ANGPT1: variants seen among roughly 807,000 people sequenced by gnomAD.
ANGPT1 encodes angiopoietin-1.
A neutral mutation model predicts 62.2 loss-of-function variants in ANGPT1; 17 were observed. The observed-to-expected ratio is 0.27, with a 90% CI of 0.19 to 0.41. The LOEUF is 0.41. Among genes scored for constraint, ANGPT1 ranks in the 10% least tolerant of loss-of-function variants. The pLI is 1.00. For missense variants in ANGPT1, 478 were observed against 594.9 expected (o/e 0.80, Z 2.04); for synonymous variants, 199 against 198.9 (o/e 1.00, Z 0.00).
At chr8:107,431,653 G>C (rs1248099683) in intron 1 of ANGPT1, among the ~76,000 whole-genome samples, 1 of 151,862 alleles carries the variant, frequency 6.6e-6, no homozygotes, top group Non-Finnish European at 1.5e-5. Flanking sequence ...TTGAATTCCA[G>C]TTCTCCCAAC....
intron 6 of ANGPT1, among the ~76,000 whole-genome samples, chr8:107,291,729 C>G (rs1814280809): frequency 6.6e-6 from 1 of 152,014 alleles, no homozygotes; most frequent in Non-Finnish European, 1.5e-5. Context: ...TTAATATAAA[C>G]ATAATTCAAA....
intron 8 of ANGPT1, among the ~76,000 whole-genome samples, chr8:107,259,215 T>C (rs1333175475): frequency 6.6e-6 from 1 of 152,214 alleles, no homozygotes; most frequent in Non-Finnish European, 1.5e-5. Context: ...TATCTGATCA[T>C]GCTTAGCAGG....
At chr8:107,256,061 C>T (rs1226085246) in intron 8 of ANGPT1, among the ~76,000 whole-genome samples, 1 of 152,108 alleles carries the variant, frequency 6.6e-6, no homozygotes, top group Non-Finnish European at 1.5e-5. Context: ...ATTTTGATTT[C>T]ATGACAAATC....
chr8:107,457,401 C>A (rs984030944), intron 1 of ANGPT1, among the ~76,000 whole-genome samples: 12 of 151,864 alleles, frequency 7.9e-5, no homozygotes, highest in African/African-American at 2.9e-4. Context: ...ACCAACTAAC[C>A]AAGCTGTCAT....
rs912886013 is a variant in ANGPT1 at position 107,350,668 on chromosome 8, G to T, written c.298-3571C>A. On this transcript the variant is annotated intron_variant, in intron 1 of 8. Transcript: ENST00000517746. ...CTACACTAAAATGCTCATTTAGGCTGCTATGATGAGTAGCATGAATATAGC... is the reference window on the plus strand; with the variant it reads ...CTACACTAAAATGCTCATTTAGGCTTCTATGATGAGTAGCATGAATATAGC... Among the ~76,000 whole-genome samples, 7 of 152,272 alleles carry T rather than the reference G, an allele frequency of 4.6e-5. No individual in the cohort carries two copies. In the East Asian group the frequency reaches 1.3e-3, roughly 29 times the overall value.
At chr8:107,458,075 G>A (rs1380927835) in intron 1 of ANGPT1, among the ~76,000 whole-genome samples, 1 of 152,102 alleles carries the variant, frequency 6.6e-6, no homozygotes, top group Non-Finnish European at 1.5e-5. Flanking sequence ...TGATGGCCAA[G>A]TTGGGATTAC....
intron 1 of ANGPT1, 49 bp downstream of exon 1, chr8:107,497,213 A>C (rs775212001): frequency 1.3e-6 from 2 of 1,583,022 alleles, no homozygotes; most frequent in East Asian, 2.2e-5. Flanking sequence ...GCTGCAGTGC[A>C]AGAAAGGAAA....
chr8:107,284,655 C>T (rs753322766), intron 7 of ANGPT1, 27 bp downstream of exon 7: 13 of 1,431,894 alleles, frequency 9.1e-6, no homozygotes, highest in Non-Finnish European at 1.2e-5. Context: ...AAAAGGTAGT[C>T]GAACACTACA....
At chr8:107,394,533 A>C (rs1816897275) in intron 1 of ANGPT1, among the ~76,000 whole-genome samples, 1 of 152,126 alleles carries the variant, frequency 6.6e-6, no homozygotes, top group African/African-American at 2.4e-5. Context: ...CAGAATAAGG[A>C]GCTGGGGGGA....
intron 1 of ANGPT1, among the ~76,000 whole-genome samples, chr8:107,471,031 CA>C (rs1326381285): frequency 6.6e-6 from 1 of 152,058 alleles, no homozygotes; most frequent in Admixed American, 6.6e-5. Context: ...TTTGACCCAG[CA>C]ATTCTATTAC....
At chr8:107,452,100 A>C (rs1351904222) in intron 1 of ANGPT1, among the ~76,000 whole-genome samples, 2 of 151,752 alleles carry the variant, frequency 1.3e-5, no homozygotes, top group Non-Finnish European at 2.9e-5. Context: ...ATAAGACAGG[A>C]TATTAACACT....
chr8:107,387,739 A>G (rs1315400), intron 1 of ANGPT1, among the ~76,000 whole-genome samples: 72,257 of 151,686 alleles, frequency 0.48, 19,059 homozygotes, highest in Middle Eastern at 0.59. Flanking sequence ...CTGGCTGTGC[A>G]TGCTATTTAA....
Position 107,284,703 on chromosome 8 carries a change from C to T in ANGPT1, c.1184G>A (p.Gly395Glu), listed in dbSNP as rs757109289. The T allele has an allele frequency of 1.3e-6, 2 of 1,574,510 alleles. No homozygotes were observed. The highest frequency in any genetic ancestry group is 1.2e-5 in the South Asian group (1 of 83,412). Residue 395 changes from glycine to glutamate, a missense_variant, in exon 7 of 9, where the codon GGA (glycine) becomes GAA (glutamate). Transcript: ENST00000517746. ...AYSQYDRFHI[G>E]NEKQNYRLYL... ...TTACCTATAGTTTTGCTTTTCATTT[C>T]CTATGTGGAATCTGTCATACTGTGA...
At chr8:107,369,550 G>T (rs1816339300) in intron 1 of ANGPT1, among the ~76,000 whole-genome samples, 1 of 152,104 alleles carries the variant, frequency 6.6e-6, no homozygotes, top group Non-Finnish European at 1.5e-5. Flanking sequence ...GCCTGTCTTG[G>T]TTTCTGACAT....
At chr8:107,434,150 A>C (rs1455219010) in intron 1 of ANGPT1, among the ~76,000 whole-genome samples, 2 of 152,208 alleles carry the variant, frequency 1.3e-5, no homozygotes, top group Non-Finnish European at 2.9e-5. Flanking sequence ...ATAAGATTTT[A>C]ATATCTAAGT....
intron 1 of ANGPT1, among the ~76,000 whole-genome samples, chr8:107,450,807 T>C (rs146712922): frequency 1.2e-4 from 18 of 151,558 alleles, no homozygotes; most frequent in South Asian, 8.3e-4. Context: ...ATAATACTAG[T>C]AATAGTAGAA....
At chr8:107,376,144 A>G (rs1816526821) in intron 1 of ANGPT1, among the ~76,000 whole-genome samples, 1 of 152,210 alleles carries the variant, frequency 6.6e-6, no homozygotes, top group Admixed American at 6.5e-5. Context: ...CTTAAGAAGT[A>G]GAGCACAGCA....
At chr8:107,381,605 C>G (rs1816638520) in intron 1 of ANGPT1, among the ~76,000 whole-genome samples, 1 of 152,152 alleles carries the variant, frequency 6.6e-6, no homozygotes, top group Non-Finnish European at 1.5e-5. Flanking sequence ...TCCATTCACT[C>G]TGTTGCTTGT....
At chr8:107,253,730 C>T (rs538502605) in intron 8 of ANGPT1, among the ~76,000 whole-genome samples, 2 of 152,038 alleles carry the variant, frequency 1.3e-5, no homozygotes, top group African/African-American at 4.8e-5. Context: ...GAAAGACAGA[C>T]GTCTGTTGCA....
Sources: allele counts gnomAD v4.1 joint callset (sites outside exome capture counted in the v4.1 genomes callset), GRCh38; gene constraint gnomAD v4.1.1; transcripts MANE v1.5; gene names NCBI Gene and HGNC (gene_info 2026-07-23, HGNC 2026-07-21).